CAMK1D: variants seen among roughly 807,000 people sequenced by gnomAD.
CAMK1D encodes calcium/calmodulin-dependent protein kinase type 1D.
A neutral mutation model predicts 47.7 loss-of-function variants in CAMK1D; 9 were observed. That is an observed-to-expected ratio of 0.19 (90% confidence interval 0.11 to 0.33). The LOEUF (loss-of-function observed/expected upper bound fraction) is 0.33. Ranked by LOEUF, CAMK1D falls within the 10% of genes least tolerant of loss-of-function variation. The pLI, the probability that CAMK1D is intolerant of heterozygous loss-of-function variation, is 1.00. For synonymous variants in CAMK1D, 184 were observed against 184.9 expected (o/e 0.99, Z 0.04); for missense variants, 291 against 488.7 (o/e 0.60, Z 3.81).
At chr10:12,505,042 A>G (rs764796740) in intron 1 of CAMK1D, among the ~76,000 whole-genome samples, 10 of 152,136 alleles carry the variant, frequency 6.6e-5, no homozygotes, top group Non-Finnish European at 1.0e-4. Flanking sequence ...CAGGGCAGTC[A>G]GGTACCATCA....
At chr10:12,462,188 A>G (rs1198806345) in intron 1 of CAMK1D, among the ~76,000 whole-genome samples, 2 of 120,600 alleles carry the variant, frequency 1.7e-5, no homozygotes, top group East Asian at 5.6e-4. Context: ...TTTTTTAGGC[A>G]GAGTCTTCCC....
At chr10:12,817,516 C>T (rs768417908) in intron 8 of CAMK1D, among the ~76,000 whole-genome samples, 2 of 152,112 alleles carry the variant, frequency 1.3e-5, no homozygotes, top group Non-Finnish European at 2.9e-5. Context: ...CAGCTAGCTG[C>T]GATGCTAGGT....
chr10:12,389,084 A>G (rs953457026), intron 1 of CAMK1D, among the ~76,000 whole-genome samples: 1 of 152,206 alleles, frequency 6.6e-6, no homozygotes, highest in African/African-American at 2.4e-5. Context: ...GAGATGGGTC[A>G]ACTGTGAGCT....
At chr10:12,432,154 C>A (rs1168582829) in intron 1 of CAMK1D, among the ~76,000 whole-genome samples, 1 of 152,204 alleles carries the variant, frequency 6.6e-6, no homozygotes, top group Admixed American at 6.5e-5. Flanking sequence ...TCTAATTTGC[C>A]TTTGGAGATG....
chr10:12,449,606 A>G (rs780955387), intron 1 of CAMK1D, among the ~76,000 whole-genome samples: 12 of 152,208 alleles, frequency 7.9e-5, no homozygotes, highest in Non-Finnish European at 1.5e-4. Context: ...GTATACATAT[A>G]TCAAAACATC....
At chr10:12,416,335 G>T (rs922783368) in intron 1 of CAMK1D, among the ~76,000 whole-genome samples, 5 of 152,132 alleles carry the variant, frequency 3.3e-5, no homozygotes, top group African/African-American at 1.2e-4. Flanking sequence ...CTGAGATTTT[G>T]TATTATTAAT....
At chr10:12,402,223 C>T (rs199532671) in intron 1 of CAMK1D, among the ~76,000 whole-genome samples, 2 of 151,318 alleles carry the variant, frequency 1.3e-5, no homozygotes, top group Non-Finnish European at 2.9e-5. Context: ...ATTACAGGCA[C>T]GAGCCACCGC....
chr10:12,447,223 A>G (rs1832949897), intron 1 of CAMK1D, among the ~76,000 whole-genome samples: 2 of 152,172 alleles, frequency 1.3e-5, no homozygotes, highest in Non-Finnish European at 2.9e-5. Flanking sequence ...GTCATTATCA[A>G]TACTGGAGAA....
chr10:12,781,978 T>G lies in CAMK1D; in HGVS notation c.566-9180T>G, dbSNP rs201723082. Among the ~76,000 whole-genome samples the G allele has an allele frequency of 8.9e-4, 133 of 148,792 alleles. 1 individual carries two copies. The highest frequency in any genetic ancestry group is 4.9e-3 in the East Asian group (25 of 5,064). On this transcript the variant is annotated intron_variant, in intron 5 of 10. Coordinates refer to ENST00000619168, the MANE Select transcript of CAMK1D (RefSeq NM_153498.4). ...ATATGTTTTTAATTTAATTGTTTTTTTTTTTTTTTTTTTTGCCATCCTGAT... is the reference window on the plus strand; with the variant it reads ...ATATGTTTTTAATTTAATTGTTTTTGTTTTTTTTTTTTTTGCCATCCTGAT...
At chr10:12,755,759 G>A (rs4132050) in intron 3 of CAMK1D, among the ~76,000 whole-genome samples, 61,535 of 152,008 alleles carry the variant, frequency 0.4, 12,911 homozygotes, top group African/African-American at 0.53. Flanking sequence ...TAATGTAAAT[G>A]TCTGCCTTCT....
chr10:12,745,273 GC>G (rs935261781), intron 3 of CAMK1D, among the ~76,000 whole-genome samples: 2 of 152,076 alleles, frequency 1.3e-5, no homozygotes, highest in African/African-American at 4.8e-5. Flanking sequence ...CTCGTGATCC[GC>G]CCGCCTCAGC....
chr10:12,760,337 C>T (rs980896152), intron 3 of CAMK1D, among the ~76,000 whole-genome samples: 4 of 152,144 alleles, frequency 2.6e-5, no homozygotes, highest in African/African-American at 9.7e-5. Flanking sequence ...GATTTCTTGC[C>T]TGCTTTTTCA....
intron 2 of CAMK1D, among the ~76,000 whole-genome samples, chr10:12,589,786 C>T (rs1042707898): frequency 6.6e-6 from 1 of 152,210 alleles, no homozygotes; most frequent in Non-Finnish European, 1.5e-5. Flanking sequence ...TTCCTTGGAA[C>T]ATTTGTCCTC....
intron 2 of CAMK1D, among the ~76,000 whole-genome samples, chr10:12,654,521 T>C (rs189574274): frequency 2.1e-4 from 32 of 152,340 alleles, no homozygotes; most frequent in Admixed American, 1.2e-3. Context: ...TTCCTTTAAA[T>C]GTGTTAGTGT....
chr10:12,758,913 A>AG (rs1171901034), intron 3 of CAMK1D, among the ~76,000 whole-genome samples: 1 of 152,202 alleles, frequency 6.6e-6, no homozygotes, highest in African/African-American at 2.4e-5. Flanking sequence ...TGCTACTGGA[A>AG]GGGGGCCTAT....
intron 5 of CAMK1D, among the ~76,000 whole-genome samples, chr10:12,777,294 T>C (rs1312904580): frequency 6.6e-6 from 1 of 150,602 alleles, no homozygotes; most frequent in East Asian, 2.0e-4. Context: ...ATGGAGAAAG[T>C]GCTTCACATA....
At chr10:12,648,105 C>G (rs1839860800) in intron 2 of CAMK1D, among the ~76,000 whole-genome samples, 1 of 152,172 alleles carries the variant, frequency 6.6e-6, no homozygotes, top group East Asian at 1.9e-4. Flanking sequence ...GAATCATTTG[C>G]TGTTTTGATT....
chr10:12,350,221 CTG>C (rs1837312113), intron 1 of CAMK1D, among the ~76,000 whole-genome samples: 1 of 152,236 alleles, frequency 6.6e-6, no homozygotes. Context: ...CCACGCGTGA[CTG>C]TGGGCTGAGC....
intron 2 of CAMK1D, among the ~76,000 whole-genome samples, chr10:12,557,551 C>CAAAAAA (rs5783273): frequency 1.1e-3 from 91 of 83,876 alleles, no homozygotes; most frequent in Non-Finnish European, 1.5e-3. Flanking sequence ...GACTCCATCT[C>CAAAAAA]AAAAAAAAAA....
Sources: allele counts gnomAD v4.1 joint callset (sites outside exome capture counted in the v4.1 genomes callset), GRCh38; gene constraint gnomAD v4.1.1; transcripts MANE v1.5; gene names NCBI Gene and HGNC (gene_info 2026-07-23, HGNC 2026-07-21).